Variants in ZNF678 observed in about 807,000 individuals in gnomAD.
The protein encoded by ZNF678 is zinc finger protein 678, also known as hypothetical protein MGC42493.
ZNF678 carries 5 observed loss-of-function variants against 3.0 expected under a neutral mutation model. The observed-to-expected ratio is 1.69, with a 90% CI of 0.88 to 3.56. The LOEUF is 3.56. Among genes scored for constraint, ZNF678 ranks in the 30% most tolerant of loss-of-function variants. The pLI is 0.00. For synonymous variants in ZNF678, 218 were observed against 199.6 expected, an observed-to-expected ratio of 1.09 and a Z score of -0.78; for missense variants, 593 against 605.0, an observed-to-expected ratio of 0.98 and a Z score of 0.21.
chr1:227,580,964 T>TA (rs1367491203), intron 1 of ZNF678, among the ~76,000 whole-genome samples: 1 of 151,942 alleles, frequency 6.6e-6, no homozygotes, highest in Non-Finnish European at 1.5e-5. Flanking sequence ...ATTGATAAAT[T>TA]AATATTGCAA....
intron 1 of ZNF678, among the ~76,000 whole-genome samples, chr1:227,570,986 C>G (rs1656825860): frequency 6.6e-6 from 1 of 151,862 alleles, no homozygotes; most frequent in African/African-American, 2.4e-5. Flanking sequence ...TAGTTTATGC[C>G]CAAATTTTTA....
chr1:227,593,120 T>C (rs1657460367), intron 1 of ZNF678, among the ~76,000 whole-genome samples: 1 of 152,204 alleles, frequency 6.6e-6, no homozygotes, highest in South Asian at 2.1e-4. Flanking sequence ...TTGGCATGAC[T>C]TACTACTCCA....
At chr1:227,601,667 C>T (rs750711215) in intron 1 of ZNF678, among the ~76,000 whole-genome samples, 5 of 152,002 alleles carry the variant, frequency 3.3e-5, no homozygotes, top group African/African-American at 4.8e-5. Context: ...CAGGTTCAAG[C>T]GATTCTCCTG....
chr1:227,669,452 C>G (rs188527434), intron 5 of ZNF678, among the ~76,000 whole-genome samples: 1 of 151,420 alleles, frequency 6.6e-6, no homozygotes, highest in African/African-American at 2.4e-5. Context: ...CTGGCTAACA[C>G]GGTGAAACCC....
Position 227,659,787 on chromosome 1 carries a change from A to G in ZNF678, c.*3959A>G, listed in dbSNP as rs575423114. ...TACATATATATATATCTTGTAACACATGATGTTTGAAATGCTTAATTCTAG... is the reference window on the plus strand; with the variant it reads ...TACATATATATATATCTTGTAACACGTGATGTTTGAAATGCTTAATTCTAG... On this transcript the variant is annotated 3_prime_UTR_variant, in exon 4 of 4. Coordinates refer to ENST00000343776, the MANE Select transcript of ZNF678 (RefSeq NM_001367909.1). 1 of 152,212 alleles carries G rather than the reference A, an allele frequency of 6.6e-6. No individual in the cohort carries two copies. Among genetic ancestry groups the G allele is most frequent in the Non-Finnish European group, 1.5e-5 (1 of 67,988 alleles). The allele number at this position is 152,212 out of a possible 1,614,324, so 9.4% of individuals were successfully genotyped here.
chr1:227,598,959 T>C (rs1657664229), intron 1 of ZNF678: 3 of 936,890 alleles, frequency 3.2e-6, no homozygotes, highest in Non-Finnish European at 5.2e-6. Flanking sequence ...TTCTCATTCA[T>C]TTTTTTCTTC....
chr1:227,637,785 GA>G (rs1339025729), intron 1 of ZNF678, among the ~76,000 whole-genome samples: 2 of 152,138 alleles, frequency 1.3e-5, no homozygotes, highest in Non-Finnish European at 1.5e-5. Flanking sequence ...ACTAGTTCTA[GA>G]AAAGAGAAAA....
At chr1:227,591,371 T>G (rs1049901577) in intron 1 of ZNF678, among the ~76,000 whole-genome samples, 3 of 152,186 alleles carry the variant, frequency 2.0e-5, no homozygotes, top group African/African-American at 7.2e-5. Flanking sequence ...TTTTTTTCAT[T>G]TTTTTAAATT....
In ZNF678 at chr1:227,647,332, T is replaced by G. The variant is rs369269287; in HGVS notation, c.-37+662T>G. On this transcript the variant is annotated intron_variant, in intron 2 of 3. Transcript: ENST00000343776. ...GTATAGTTAATGTCAGAAAATAGTA[T>G]TTTTGGATTAATTTTCTAGAACCTT... Among the ~76,000 whole-genome samples, 9 of 152,308 alleles carry G rather than the reference T, an allele frequency of 5.9e-5. No individual in the cohort carries two copies. The South Asian group carries it at 1.9e-3, about 32-fold the overall frequency.
chr1:227,632,674 G>A (rs1658577408), intron 1 of ZNF678, among the ~76,000 whole-genome samples: 1 of 152,162 alleles, frequency 6.6e-6, no homozygotes, highest in African/African-American at 2.4e-5. Context: ...CACGCTGATC[G>A]TTTTTAACCA....
At chr1:227,584,841 G>A (rs1657216996) in intron 1 of ZNF678, among the ~76,000 whole-genome samples, 1 of 152,198 alleles carries the variant, frequency 6.6e-6, no homozygotes, top group Non-Finnish European at 1.5e-5. Flanking sequence ...TTGTGCGATG[G>A]CGGACAGTGA....
chr1:227,620,371 TTGTG>T lies in ZNF678; in HGVS notation c.-163-26161_-163-26158del, dbSNP rs371058316. ...TCCACTTACATTGTGCTGAAAAAGT[TTGTG>T]TGTGTGTGTGTTGCCTTCGTCTTTT... On this transcript the variant is annotated intron_variant, in intron 1 of 3. Transcript: ENST00000343776. Among the ~76,000 whole-genome samples the T allele has an allele frequency of 2.0e-5, 3 of 151,952 alleles. No individual in the cohort carries two copies. The East Asian group carries it at 5.8e-4, about 29-fold the overall frequency.
At chr1:227,608,540 T>A (rs987622756) in intron 1 of ZNF678, among the ~76,000 whole-genome samples, 6 of 152,158 alleles carry the variant, frequency 3.9e-5, no homozygotes, top group Non-Finnish European at 7.4e-5. Context: ...TTCTACAAAT[T>A]ATTACTAATA....
chr1:227,579,480 G>C lies in ZNF678; in HGVS notation c.-164+15756G>C, dbSNP rs115028804. Among the ~76,000 whole-genome samples the C allele has an allele frequency of 4.1e-3, 617 of 152,188 alleles. 6 individuals carry two copies. The highest frequency in any genetic ancestry group is 0.014 in the African/African-American group (586 of 41,540). The stretch of plus-strand genomic sequence containing the variant: ...CAAGGCTGAATCTGCAATGGTGGTT[G>C]GTGGGGGGGTCCACCAGCACAGGTG... On this transcript the variant is annotated intron_variant, in intron 1 of 3. Transcript: ENST00000343776.
At position 227,620,271 on chromosome 1, in the gene ZNF678, G is replaced by A. The variant is rs77989730; in HGVS notation, c.-163-26273G>A. Among the ~76,000 whole-genome samples the A allele has an allele frequency of 8.2e-3, 1,247 of 152,232 alleles. 16 individuals are homozygous for A. Among genetic ancestry groups the A allele is most frequent in the African/African-American group, 0.028 (1,182 of 41,548 alleles). On this transcript the variant is annotated intron_variant, in intron 1 of 3. Transcript: ENST00000343776. ...ATAAAACAGGCTGGTTACCCAAGTT[G>A]CTCCTTTTTCCCCCCTTCCTCCCCT... is the stretch of plus-strand genomic sequence containing the variant.
rs1293688971 is a variant in ZNF678 at position 227,657,080 on chromosome 1, G to T, written c.*1252G>T. The T allele has an allele frequency of 2.0e-5, 3 of 151,950 alleles. No individual in the cohort carries two copies. The East Asian group carries it at 5.8e-4, about 29-fold the overall frequency. 9.4% of individuals were successfully genotyped at this position (151,950 alleles called of 1,614,324 possible). A position where few individuals can be genotyped will look rare whatever the true frequency, so the allele number is the denominator to read the frequency against. ...TGAAATGTGTTCCCCCATGTTGGAG[G>T]CGGGGTCTAGTGGAAGGTGTTTAGG... is the stretch of plus-strand genomic sequence containing the variant. On this transcript the variant is annotated 3_prime_UTR_variant, in exon 4 of 4. Transcript: ENST00000343776.
Position 227,655,581 on chromosome 1 carries a change from A to G in ZNF678, c.1331A>G (p.Gln444Arg), listed in dbSNP as rs755134285. 1 of 1,612,224 alleles carries G rather than the reference A, an allele frequency of 6.2e-7. No individual in the cohort carries two copies. Among genetic ancestry groups the G allele is most frequent in the East Asian group, 2.2e-5 (1 of 44,792 alleles). ...AAAGAATGTGGCAAAGCTTTTTACC[A>G]ATCCTCAATCCTTAGTAAGCATAAG... is the stretch of plus-strand genomic sequence containing the variant. ...KCKECGKAFY[Q>R]SSILSKHKRI... The change falls in exon 4 of 4, where the codon CAA (glutamine) becomes CGA (arginine). Residue 444 changes from glutamine to arginine, a missense_variant. By Grantham distance (43) the Gln-to-Arg change is conservative. Transcript: ENST00000343776.
At chr1:227,578,291 A>G (rs1358196442) in intron 1 of ZNF678, among the ~76,000 whole-genome samples, 2 of 152,206 alleles carry the variant, frequency 1.3e-5, no homozygotes, top group South Asian at 2.1e-4. Context: ...CTCTCTAGCT[A>G]TGTTGGGAAA....
intron 1 of ZNF678, among the ~76,000 whole-genome samples, chr1:227,636,222 G>T (rs561667308): frequency 1.3e-5 from 2 of 152,094 alleles, no homozygotes; most frequent in South Asian, 4.1e-4. Flanking sequence ...CTCCTAGAAG[G>T]TTTGTTCGGT....
Sources: allele counts gnomAD v4.1 joint callset (sites outside exome capture counted in the v4.1 genomes callset), GRCh38; gene constraint gnomAD v4.1.1; transcripts MANE v1.5; gene names NCBI Gene and HGNC (gene_info 2026-07-23, HGNC 2026-07-21).